Variants in NTF3 observed in about 807,000 individuals in gnomAD.
NTF3 encodes the protein neurotrophin-3.
In NTF3, 8 loss-of-function variants were observed where a neutral mutation model predicts 26.3. The ratio of observed to expected loss-of-function variants is 0.30; its 90% CI spans 0.18 to 0.55. NTF3 has a LOEUF of 0.55. Ranked by LOEUF, NTF3 falls within the 20% of genes least tolerant of loss-of-function variation. The pLI, the probability that NTF3 is intolerant of heterozygous loss-of-function variation, is 0.93. For missense variants in NTF3, 276 were observed against 352.9 expected (o/e 0.78, Z 1.75); for synonymous variants, 154 against 145.5 (o/e 1.06, Z -0.42).
chr12:5,438,322 C>A (rs904111035), intron 1 of NTF3, among the ~76,000 whole-genome samples: 1 of 152,212 alleles, frequency 6.6e-6, no homozygotes, highest in Non-Finnish European at 1.5e-5. Flanking sequence ...CACACACCCC[C>A]ACATGGTCAG....
intron 1 of NTF3, among the ~76,000 whole-genome samples, chr12:5,469,482 TG>T (rs1457185063): frequency 6.6e-6 from 1 of 152,198 alleles, no homozygotes; most frequent in East Asian, 1.9e-4. Context: ...GTCACAATCA[TG>T]GGGCCGGTGG....
Position 5,495,267 on chromosome 12 carries a change from A to G in NTF3, c.*279A>G. ...TTTTGCATTCAGTATTGTCAAGGCCATGACTGTTGTTTTAGTAAACTTGTT... is the reference window on the plus strand; with the variant it reads ...TTTTGCATTCAGTATTGTCAAGGCCGTGACTGTTGTTTTAGTAAACTTGTT... On this transcript the variant is annotated 3_prime_UTR_variant, in exon 2 of 2. Transcript: ENST00000423158. The G allele has an allele frequency of 2.6e-6, 1 of 387,486 alleles. No homozygotes were observed. The highest frequency in any genetic ancestry group is 3.5e-5 in the South Asian group (1 of 28,420). 24.0% of individuals were successfully genotyped at this position (387,486 alleles called of 1,614,324 possible).
chr12:5,471,569 G>T (rs1336015432), intron 1 of NTF3, among the ~76,000 whole-genome samples: 1 of 151,750 alleles, frequency 6.6e-6, no homozygotes, highest in African/African-American at 2.4e-5. Context: ...TTTATTGCAG[G>T]CATCTCTTTC....
chr12:5,471,411 C>A (rs1241918155), intron 1 of NTF3, among the ~76,000 whole-genome samples: 1 of 152,136 alleles, frequency 6.6e-6, no homozygotes, highest in Non-Finnish European at 1.5e-5. Context: ...CACAGATATT[C>A]TGTTCCCTCC....
rs144247685 is a variant in NTF3, at chr12:5,458,084, T to C, written c.18+25742T>C. On this transcript the variant is annotated intron_variant, in intron 1 of 1. Coordinates refer to ENST00000423158, the MANE Select transcript of NTF3 (RefSeq NM_001102654.2). ...CTCTGAGTCCTTGTTTTTTCAACAC[T>C]GTTCACACTCTCCCCACCTCTCTCT... 4.3e-3 allele frequency among the ~76,000 whole-genome samples: 651 copies of C among 152,278 alleles called. 5 individuals are homozygous for C. The highest frequency in any genetic ancestry group is 0.013 in the African/African-American group (550 of 41,548).
At chr12:5,437,974 T>G (rs1940192822) in intron 1 of NTF3, among the ~76,000 whole-genome samples, 1 of 152,174 alleles carries the variant, frequency 6.6e-6, no homozygotes, top group South Asian at 2.1e-4. Flanking sequence ...GGTATCTGGA[T>G]GCTTGGCTCA....
chr12:5,432,596 CACACACACACAG>C (rs1555141047), intron 1 of NTF3, among the ~76,000 whole-genome samples: 5 of 149,184 alleles, frequency 3.4e-5, no homozygotes, highest in African/African-American at 4.9e-5. Flanking sequence ...CACACACACA[CACACACACACAG>C]ACACGGACAC....
intron 1 of NTF3, among the ~76,000 whole-genome samples, chr12:5,446,444 C>T (rs1940306803): frequency 6.6e-6 from 1 of 152,174 alleles, no homozygotes; most frequent in South Asian, 2.1e-4. Context: ...AGCGCCTATC[C>T]CCTCTGTTCT....
intron 1 of NTF3, among the ~76,000 whole-genome samples, chr12:5,474,280 G>A (rs563415884): frequency 2.0e-5 from 3 of 152,352 alleles, no homozygotes; most frequent in African/African-American, 7.2e-5. Context: ...AAGTGGAGCA[G>A]ACAGGCAAGA....
At position 5,432,571 on chromosome 12, in the gene NTF3, AC is replaced by A. The variant is rs1168625348; in HGVS notation, c.18+230del. Among the ~76,000 whole-genome samples, 26 of 145,250 alleles carry A rather than the reference AC, an allele frequency of 1.8e-4. No homozygotes were observed. The East Asian group carries it at 4.1e-3, about 23-fold the overall frequency. ...GCCACCCCGCTACACACACACACAC[AC>A]ACACACACACACACACACACACACA... On this transcript the variant is annotated intron_variant, in intron 1 of 1. Transcript: ENST00000423158.
At chr12:5,437,733 T>G (rs546457124) in intron 1 of NTF3, among the ~76,000 whole-genome samples, 1 of 152,310 alleles carries the variant, frequency 6.6e-6, no homozygotes, top group East Asian at 1.9e-4. Flanking sequence ...TTAGATTTAG[T>G]TTTATTTAAA....
At chr12:5,472,419 C>T (rs1038982240) in intron 1 of NTF3, among the ~76,000 whole-genome samples, 6 of 152,138 alleles carry the variant, frequency 3.9e-5, no homozygotes, top group Non-Finnish European at 7.4e-5. Flanking sequence ...AGAAAATATT[C>T]GTCCTCATAT....
At chr12:5,464,395 C>G (rs548856279) in intron 1 of NTF3, among the ~76,000 whole-genome samples, 1 of 152,172 alleles carries the variant, frequency 6.6e-6, no homozygotes. Flanking sequence ...CAATTTTTCA[C>G]CTTATAATGG....
intron 1 of NTF3, among the ~76,000 whole-genome samples, chr12:5,465,832 G>A (rs1446505990): frequency 1.3e-5 from 2 of 152,186 alleles, no homozygotes; most frequent in African/African-American, 4.8e-5. Context: ...GCTCCACCAA[G>A]GACTTGGCAT....
chr12:5,443,116 G>C (rs552166111), intron 1 of NTF3, among the ~76,000 whole-genome samples: 8 of 152,274 alleles, frequency 5.3e-5, no homozygotes, highest in African/African-American at 2.4e-5. Context: ...AGAGCTGCGC[G>C]ATGTTGTGGG....
chr12:5,469,070 AT>A (rs1940630687), intron 1 of NTF3, among the ~76,000 whole-genome samples: 1 of 152,012 alleles, frequency 6.6e-6, no homozygotes, highest in Non-Finnish European at 1.5e-5. Context: ...GCAGTGAGCC[AT>A]GATTGTGCCA....
At chr12:5,458,706 C>T (rs188603348) in intron 1 of NTF3, among the ~76,000 whole-genome samples, 3 of 152,344 alleles carry the variant, frequency 2.0e-5, no homozygotes, top group East Asian at 1.9e-4. Context: ...TCCCATGCCA[C>T]GCAACCAGGC....
At chr12:5,431,607 G>T (rs993778107), upstream of NTF3, among the ~76,000 whole-genome samples, 1 of 151,998 alleles carries the variant, frequency 6.6e-6, no homozygotes, top group Non-Finnish European at 1.5e-5. Context: ...GAGCTGGAAG[G>T]GTCTAAGGTT....
intron 1 of NTF3, among the ~76,000 whole-genome samples, chr12:5,463,440 G>A (rs1277639995): frequency 6.6e-6 from 1 of 152,294 alleles, no homozygotes; most frequent in African/African-American, 2.4e-5. Context: ...GAGTTCGAAG[G>A]TGGCAGATAA....
Sources: gnomAD v4.1 joint callset for allele counts (sites outside exome capture counted in the v4.1 genomes callset) on GRCh38, gnomAD v4.1.1 for gene constraint, MANE v1.5 for transcripts, NCBI Gene and HGNC (gene_info 2026-07-23, HGNC 2026-07-21) for gene names.